The following CADM2 variants were observed in gnomAD, a reference collection of about 807,000 sequenced individuals.
CADM2 encodes the protein immunoglobulin superfamily member 4D.
Under a neutral mutation model 49.8 loss-of-function variants are expected in CADM2, and 12 were observed. That is an observed-to-expected ratio of 0.24 (90% CI 0.15 to 0.39). The LOEUF (loss-of-function observed/expected upper bound fraction) is 0.39, where lower values mean the gene tolerates loss of function less well. Ranked by LOEUF, CADM2 falls within the 10% of genes least tolerant of loss-of-function variation. The pLI is 1.00. For missense variants in CADM2, 378 were observed against 492.3 expected (o/e 0.77, Z 2.20); for synonymous variants, 214 against 175.4 (o/e 1.22, Z -1.74).
At chr3:85,839,359 C>A (rs1008207394) in intron 3 of CADM2, among the ~76,000 whole-genome samples, 11 of 151,646 alleles carry the variant, frequency 7.3e-5, no homozygotes, top group African/African-American at 2.2e-4. Flanking sequence ...ATCCCCTTGT[C>A]CATTTTGTAA....
chr3:85,823,998 A>G (rs1258506555), intron 3 of CADM2, among the ~76,000 whole-genome samples: 4 of 152,154 alleles, frequency 2.6e-5, no homozygotes, highest in Non-Finnish European at 5.9e-5. Context: ...TTGCTTCAAA[A>G]GGTGACAGAA....
At position 85,739,333 on chromosome 3, in the gene CADM2, G is replaced by A. The variant is rs1246820848; in HGVS notation, c.88+12785G>A. 4.6e-5 allele frequency among the ~76,000 whole-genome samples: 7 copies of A among 152,102 alleles called. No individual in the cohort carries two copies. The South Asian group carries it at 6.2e-4, about 14-fold the overall frequency. On this transcript the variant is annotated intron_variant, in intron 2 of 9. Coordinates refer to ENST00000383699, the MANE Select transcript of CADM2 (RefSeq NM_001167675.2). Reference sequence around the variant, plus strand: ...ATTAGAGTCTGAACATTAAGTTTTAGATGTCAATTATCTTTATAACTTATA... The same window carrying A: ...ATTAGAGTCTGAACATTAAGTTTTAAATGTCAATTATCTTTATAACTTATA...
intron 3 of CADM2, among the ~76,000 whole-genome samples, chr3:85,866,203 A>G (rs2075714969): frequency 6.6e-6 from 1 of 152,202 alleles, no homozygotes; most frequent in Non-Finnish European, 1.5e-5. Context: ...CCTACCAGTA[A>G]TTACTAACAT....
At chr3:85,641,930 C>CA (rs1242625030) in intron 1 of CADM2, among the ~76,000 whole-genome samples, 6 of 151,026 alleles carry the variant, frequency 4.0e-5, no homozygotes, top group Admixed American at 2.0e-4. Flanking sequence ...GACTCCGTCT[C>CA]AAAAAAAATT....
chr3:85,254,423 A>T (rs2042839765), intron 1 of CADM2, among the ~76,000 whole-genome samples: 1 of 151,996 alleles, frequency 6.6e-6, no homozygotes, highest in Non-Finnish European at 1.5e-5. Context: ...CTCAACCTGC[A>T]GCCCCTTTCT....
chr3:85,702,948 A>G (rs1559602463), intron 1 of CADM2, among the ~76,000 whole-genome samples: 1 of 152,074 alleles, frequency 6.6e-6, no homozygotes, highest in Admixed American at 6.6e-5. Context: ...TGCTCCTTTC[A>G]ATGGAAATTT....
chr3:85,603,760 G>A (rs2063480199), intron 1 of CADM2, among the ~76,000 whole-genome samples: 1 of 151,860 alleles, frequency 6.6e-6, no homozygotes, highest in Admixed American at 6.6e-5. Flanking sequence ...AAAGTTCTCT[G>A]CATATTTTAA....
At chr3:85,724,669 A>G (rs1274382134) in intron 1 of CADM2, among the ~76,000 whole-genome samples, 2 of 152,000 alleles carry the variant, frequency 1.3e-5, no homozygotes, top group Non-Finnish European at 2.9e-5. Flanking sequence ...TTCTGGAAAC[A>G]AAATGCACAC....
chr3:85,136,700 G>T (rs7645049), intron 1 of CADM2, among the ~76,000 whole-genome samples: 82,782 of 151,594 alleles, frequency 0.55, 23,286 homozygotes, highest in Non-Finnish European at 0.59. Context: ...AGAATGCAAA[G>T]AACTTCAAGA....
intron 1 of CADM2, among the ~76,000 whole-genome samples, chr3:85,312,204 A>T (rs1383849074): frequency 1.3e-5 from 2 of 152,190 alleles, no homozygotes; most frequent in Non-Finnish European, 2.9e-5. Flanking sequence ...AGCTTATTGA[A>T]GTACCTCATA....
intron 1 of CADM2, among the ~76,000 whole-genome samples, chr3:85,459,040 G>A (rs1038123127): frequency 1.3e-5 from 2 of 152,136 alleles, no homozygotes; most frequent in Non-Finnish European, 2.9e-5. Flanking sequence ...TAGTGTTATT[G>A]TAGACCAAAT....
chr3:85,988,590 C>T (rs1044142651), intron 8 of CADM2, among the ~76,000 whole-genome samples: 1 of 152,066 alleles, frequency 6.6e-6, no homozygotes, highest in Non-Finnish European at 1.5e-5. Flanking sequence ...GTAGCTGTGT[C>T]ACAGTTAAAA....
chr3:85,642,276 C>T (rs62261673), intron 1 of CADM2, among the ~76,000 whole-genome samples: 24,572 of 151,730 alleles, frequency 0.16, 2,335 homozygotes, highest in South Asian at 0.27. Context: ...AAATTTGACA[C>T]GATGAATATA....
chr3:86,024,769 C>T (rs920720116), intron 8 of CADM2, among the ~76,000 whole-genome samples: 15 of 151,852 alleles, frequency 9.9e-5, no homozygotes, highest in African/African-American at 1.9e-4. Flanking sequence ...TGTTGAAGAC[C>T]GAATAAAAAT....
intron 8 of CADM2, among the ~76,000 whole-genome samples, chr3:86,025,980 A>G (rs890890692): frequency 6.6e-6 from 1 of 152,108 alleles, no homozygotes; most frequent in African/African-American, 2.4e-5. Context: ...GCTCTCTTTG[A>G]ATAATATGCT....
chr3:85,350,790 T>C (rs2031263450), intron 1 of CADM2, among the ~76,000 whole-genome samples: 2 of 152,132 alleles, frequency 1.3e-5, no homozygotes, highest in African/African-American at 2.4e-5. Context: ...TGGGGAAATA[T>C]GTAATTCTTC....
intron 5 of CADM2, among the ~76,000 whole-genome samples, chr3:85,903,906 T>G (rs2108456631): frequency 6.6e-6 from 1 of 152,262 alleles, no homozygotes; most frequent in East Asian, 1.9e-4. Flanking sequence ...GCTTTATTGT[T>G]TTGTTTTGTT....
At position 86,048,003 on chromosome 3, in the gene CADM2, T is replaced by C. The variant is rs1386324258; in HGVS notation, c.971-17602T>C. 2.0e-5 allele frequency among the ~76,000 whole-genome samples: 3 copies of C among 152,288 alleles called. No homozygotes were observed. The South Asian group carries it at 6.2e-4, about 32-fold the overall frequency. Reference sequence around the variant, plus strand: ...TGTTTACATTCTAACTTTTCAACTATGATGTTTTTACATAATAAGAAAACA... The same window carrying C: ...TGTTTACATTCTAACTTTTCAACTACGATGTTTTTACATAATAAGAAAACA... On this transcript the variant is annotated intron_variant, in intron 8 of 9. Transcript: ENST00000383699.
chr3:85,366,040 G>A (rs916897055), intron 1 of CADM2, among the ~76,000 whole-genome samples: 4 of 152,122 alleles, frequency 2.6e-5, no homozygotes, highest in Non-Finnish European at 5.9e-5. Flanking sequence ...CTTCAAGTAA[G>A]TGAAGTCTTC....
Sources: allele counts gnomAD v4.1 joint callset (sites outside exome capture counted in the v4.1 genomes callset), GRCh38; gene constraint gnomAD v4.1.1; transcripts MANE v1.5; gene names NCBI Gene and HGNC (gene_info 2026-07-23, HGNC 2026-07-21).